The following NELL1 variants were observed in gnomAD, a reference collection of about 807,000 sequenced individuals.
NELL1 encodes the protein protein kinase C-binding protein NELL1.
NELL1 carries 76 observed loss-of-function variants against 107.4 expected under a neutral mutation model. That is an observed-to-expected ratio of 0.71 (90% CI 0.59 to 0.86). The LOEUF is 0.86. NELL1 is among the 40% of genes least tolerant of loss of function. The pLI, the probability that NELL1 is intolerant of heterozygous loss-of-function variation, is 0.00. For missense variants in NELL1, 1,024 were observed against 1,005.5 expected (o/e 1.02, Z -0.25); for synonymous variants, 353 against 341.2 (o/e 1.03, Z -0.38).
intron 13 of NELL1, among the ~76,000 whole-genome samples, chr11:21,169,006 A>G (rs1212791533): frequency 6.6e-6 from 1 of 151,820 alleles, no homozygotes; most frequent in Non-Finnish European, 1.5e-5. Context: ...TGCTGTCTGA[A>G]CCCTAAGGAG....
chr11:21,227,738 C>G (rs61888072), intron 13 of NELL1, among the ~76,000 whole-genome samples: 10,307 of 152,216 alleles, frequency 0.068, 437 homozygotes, highest in Non-Finnish European at 0.1. Context: ...TCACCGTTTG[C>G]TAACCTGTGC....
intron 14 of NELL1, among the ~76,000 whole-genome samples, chr11:21,291,224 A>G (rs994185225): frequency 3.3e-5 from 5 of 152,196 alleles, no homozygotes; most frequent in Non-Finnish European, 5.9e-5. Context: ...GAATTGATCA[A>G]GTGGAAGACA....
chr11:20,887,144 C>T (rs1265461433), intron 5 of NELL1, among the ~76,000 whole-genome samples: 1 of 152,002 alleles, frequency 6.6e-6, no homozygotes, highest in Admixed American at 6.6e-5. Flanking sequence ...TGAGATTCAC[C>T]AAGTTGTTGT....
chr11:20,812,386 G>A (rs1186649422), intron 3 of NELL1, among the ~76,000 whole-genome samples: 5 of 152,126 alleles, frequency 3.3e-5, no homozygotes, highest in Non-Finnish European at 7.4e-5. Context: ...AGGGATATGG[G>A]TCTGTAGTTT....
intron 12 of NELL1, among the ~76,000 whole-genome samples, chr11:21,049,747 A>C (rs10430904): frequency 6.6e-6 from 1 of 151,800 alleles, no homozygotes; most frequent in African/African-American, 2.4e-5. Flanking sequence ...GCATCATCTC[A>C]GCTCCCTGCA....
At chr11:20,734,379 T>C (rs1028774463) in intron 2 of NELL1, among the ~76,000 whole-genome samples, 4 of 152,172 alleles carry the variant, frequency 2.6e-5, no homozygotes, top group African/African-American at 9.7e-5. Context: ...GCTGCTTTTG[T>C]GTATAAGGTG....
In NELL1 at chr11:20,980,804, C is replaced by T. The variant is rs1851734980; in HGVS notation, c.1300+20244C>T. Among the ~76,000 whole-genome samples the T allele has an allele frequency of 2.6e-5, 4 of 152,268 alleles. No homozygotes were observed. The South Asian group carries it at 8.3e-4, about 32-fold the overall frequency. On this transcript the variant is annotated intron_variant, in intron 12 of 19. Coordinates refer to ENST00000357134, the MANE Select transcript of NELL1 (RefSeq NM_006157.5). ...TCTGATGTGCAGCTGTTAAGCAGTG[C>T]ACCAAATATTTTTGATTCTATCCCC...
At chr11:21,549,360 T>G (rs1293790947) in intron 16 of NELL1, among the ~76,000 whole-genome samples, 1 of 151,948 alleles carries the variant, frequency 6.6e-6, no homozygotes, top group Non-Finnish European at 1.5e-5. Context: ...TATCAAAATG[T>G]GTTAATCAAT....
At chr11:20,969,210 C>G (rs966635386) in intron 12 of NELL1, among the ~76,000 whole-genome samples, 4 of 152,088 alleles carry the variant, frequency 2.6e-5, no homozygotes, top group Admixed American at 1.3e-4. Context: ...CTGTGCCCCC[C>G]ACTGTATCAT....
intron 3 of NELL1, among the ~76,000 whole-genome samples, chr11:20,837,067 A>G (rs936197380): frequency 6.6e-6 from 1 of 152,156 alleles, no homozygotes; most frequent in Non-Finnish European, 1.5e-5. Context: ...GATTGGGGAA[A>G]TAGGAGCTGA....
rs564946771 is a variant in NELL1 at position 21,208,261 on chromosome 11, T to A, written c.1427-21071T>A. Among the ~76,000 whole-genome samples, 5 of 152,096 alleles carry A rather than the reference T, an allele frequency of 3.3e-5. No homozygotes were observed. The South Asian group carries it at 8.3e-4, about 25-fold the overall frequency. ...CCGTCTATTCTTTAGTAATAAAAGA[T>A]ACGTATTATAAAACATTCAAAAGTG... On this transcript the variant is annotated intron_variant, in intron 13 of 19. Coordinates refer to ENST00000357134, the MANE Select transcript of NELL1 (RefSeq NM_006157.5).
chr11:20,682,934 A>G (rs1207125087), intron 2 of NELL1, among the ~76,000 whole-genome samples: 3 of 152,114 alleles, frequency 2.0e-5, no homozygotes, highest in East Asian at 3.8e-4. Context: ...TCTTACAGGC[A>G]ATATATAGTT....
intron 2 of NELL1, among the ~76,000 whole-genome samples, chr11:20,715,200 G>A (rs534540064): frequency 2.0e-5 from 3 of 151,928 alleles, no homozygotes; most frequent in African/African-American, 4.8e-5. Context: ...AGTTGACATC[G>A]CGCCATTGCA....
chr11:20,968,844 C>G (rs1851437706), intron 12 of NELL1, among the ~76,000 whole-genome samples: 1 of 152,018 alleles, frequency 6.6e-6, no homozygotes, highest in Non-Finnish European at 1.5e-5. Flanking sequence ...TGGAAGGTTA[C>G]CAGTGGGAGG....
intron 14 of NELL1, among the ~76,000 whole-genome samples, chr11:21,366,916 T>G (rs1038694184): frequency 1.3e-5 from 2 of 152,132 alleles, no homozygotes; most frequent in African/African-American, 2.4e-5. Context: ...CTATTACTTT[T>G]TATTAGTGTA....
At chr11:20,974,227 C>T (rs903293799) in intron 12 of NELL1, among the ~76,000 whole-genome samples, 3 of 152,070 alleles carry the variant, frequency 2.0e-5, no homozygotes, top group South Asian at 2.1e-4. Flanking sequence ...TGGGACACTC[C>T]GAGGTGTTTG....
intron 3 of NELL1, among the ~76,000 whole-genome samples, chr11:20,791,794 C>T (rs1232093590): frequency 7.5e-6 from 1 of 133,746 alleles, no homozygotes; most frequent in African/African-American, 2.8e-5. Context: ...TCTTTCTATT[C>T]CTAGTTTGGT....
At chr11:21,074,219 C>A (rs1166549085) in intron 12 of NELL1, among the ~76,000 whole-genome samples, 1 of 152,110 alleles carries the variant, frequency 6.6e-6, no homozygotes, top group Non-Finnish European at 1.5e-5. Flanking sequence ...CCCTCCCAGA[C>A]CTACTGAATC....
chr11:21,141,851 C>A (rs1053550706), intron 13 of NELL1, among the ~76,000 whole-genome samples: 1 of 151,998 alleles, frequency 6.6e-6, no homozygotes, highest in South Asian at 2.1e-4. Context: ...GCAACCTCCA[C>A]CTCCTGGGTT....
Sources: gnomAD v4.1 joint callset for allele counts (sites outside exome capture counted in the v4.1 genomes callset) on GRCh38, gnomAD v4.1.1 for gene constraint, MANE v1.5 for transcripts, NCBI Gene and HGNC (gene_info 2026-07-23, HGNC 2026-07-21) for gene names.